Variants in NTRK1 observed in about 807,000 individuals in gnomAD.
The protein encoded by NTRK1 is neurotrophic receptor tyrosine kinase 1.
A neutral mutation model predicts 86.8 loss-of-function variants in NTRK1; 62 were observed. The ratio of observed to expected loss-of-function variants is 0.71; its 90% CI spans 0.58 to 0.88. The LOEUF (loss-of-function observed/expected upper bound fraction) is 0.88, where lower values mean the gene tolerates loss of function less well. Ranked by LOEUF, NTRK1 falls within the 40% of genes least tolerant of loss-of-function variation. The pLI is 0.00. For synonymous variants in NTRK1, 469 were observed against 456.6 expected, an observed-to-expected ratio of 1.03 and a Z score of -0.35; for missense variants, 967 against 1,078.4, an observed-to-expected ratio of 0.90 and a Z score of 1.45.
At chr1:156,819,810 T>G (rs1349451765) in intron 1 of NTRK1, among the ~76,000 whole-genome samples, 1 of 152,182 alleles carries the variant, frequency 6.6e-6, no homozygotes, top group Admixed American at 6.5e-5. Context: ...TGAGCCATCA[T>G]GCCTGGCCTA....
intron 1 of NTRK1, among the ~76,000 whole-genome samples, chr1:156,827,559 G>T (rs970507440): frequency 6.6e-6 from 1 of 152,068 alleles, no homozygotes; most frequent in African/African-American, 2.4e-5. Context: ...ACTGCACCTG[G>T]CCTATTTTTA....
At chr1:156,821,217 A>G (rs1654180100) in intron 1 of NTRK1, among the ~76,000 whole-genome samples, 1 of 142,858 alleles carries the variant, frequency 7.0e-6, no homozygotes, top group African/African-American at 3.1e-5. Context: ...TGAATGTATC[A>G]GATCTAGGAT....
intron 2 of NTRK1, among the ~76,000 whole-genome samples, chr1:156,855,131 G>T (rs1453131717): frequency 6.6e-6 from 1 of 151,680 alleles, no homozygotes; most frequent in Non-Finnish European, 1.5e-5. Context: ...CTTAAGTCTG[G>T]CCAAATGTCC....
At chr1:156,875,093 G>T (rs931607868) in intron 11 of NTRK1, 85 bp downstream of exon 11, 2 of 1,026,428 alleles carry the variant, frequency 1.9e-6, no homozygotes. Context: ...TGTCTCTGGG[G>T]GGCTGTGCAC....
chr1:156,817,329 T>C (rs1654029904), intron 1 of NTRK1, among the ~76,000 whole-genome samples: 1 of 152,122 alleles, frequency 6.6e-6, no homozygotes, highest in Admixed American at 6.5e-5. Flanking sequence ...ATGCTTGTAA[T>C]CCCAGTACTT....
At chr1:156,865,500 C>A (rs1041088170) in intron 3 of NTRK1, among the ~76,000 whole-genome samples, 42 of 152,354 alleles carry the variant, frequency 2.8e-4, no homozygotes, top group Middle Eastern at 6.8e-3. Flanking sequence ...TCACTCACCG[C>A]TGCTCACCTC....
upstream of NTRK1, chr1:156,858,617 G>A (rs199542749): frequency 1.2e-6 from 2 of 1,614,006 alleles, no homozygotes; most frequent in African/African-American, 1.3e-5. Context: ...ACTAGGCACT[G>A]CCATTGTCCC....
upstream of NTRK1, among the ~76,000 whole-genome samples, chr1:156,858,226 T>C (rs1655479091): frequency 6.6e-6 from 1 of 152,232 alleles, no homozygotes; most frequent in South Asian, 2.1e-4. Context: ...AGATGACTTC[T>C]AACACTCTCA....
At chr1:156,849,513 G>GGGGGGGGGT in intron 2 of NTRK1, 2 of 486,122 alleles carry the variant, frequency 4.1e-6, no homozygotes, top group Non-Finnish European at 8.3e-6. Context: ...CAGGGGGTGG[G>GGGGGGGGGT]AAAGGGGATG....
chr1:156,851,055 T>G, intron 2 of NTRK1: 1 of 574,594 alleles, frequency 1.7e-6, no homozygotes, highest in East Asian at 3.1e-5. Context: ...TTGTTTTATG[T>G]GCTTTACACA....
rs6427336 is a variant in NTRK1, at chr1:156,879,481, C to T, written c.2046+119C>T. On this transcript the variant is annotated intron_variant, in intron 15 of 16. Transcript: ENST00000524377. ...GCTGCATGGGTCTGAGATTCACTGG[C>T]TCTGGTTTTCAACCTACCTCCTCGG... 2.0e-5 allele frequency: 27 copies of T among 1,354,404 alleles called. No homozygotes were observed. In the African/African-American group the frequency reaches 3.6e-4, roughly 18 times the overall value. The allele number at this position is 1,354,404 out of a possible 1,614,324, so 83.9% of individuals were successfully genotyped here.
At chr1:156,843,476 G>C (rs1654876968) in intron 2 of NTRK1, 5 of 1,614,116 alleles carry the variant, frequency 3.1e-6, no homozygotes, top group Middle Eastern at 1.6e-4. Flanking sequence ...ACAGGGTTCT[G>C]TTTCTGCAAC....
intron 2 of NTRK1, among the ~76,000 whole-genome samples, chr1:156,855,353 G>A (rs939565425): frequency 2.0e-5 from 3 of 152,190 alleles, no homozygotes; most frequent in Non-Finnish European, 2.9e-5. Flanking sequence ...ACAGGTGCCC[G>A]CCGCCATACC....
chr1:156,846,754 T>A (rs200580223), intron 2 of NTRK1: 2 of 1,613,022 alleles, frequency 1.2e-6, no homozygotes. Flanking sequence ...CGTTCTGGAA[T>A]GGGCTGAACA....
intron 4 of NTRK1, among the ~76,000 whole-genome samples, chr1:156,867,598 G>A (rs1462006053): frequency 6.8e-6 from 1 of 146,056 alleles, no homozygotes; most frequent in African/African-American, 2.6e-5. Flanking sequence ...CTCCCAAAGT[G>A]CCGGGATAAC....
rs546984254 is a variant in NTRK1, at chr1:156,851,535, C to G, written c.50+9342C>G. The stretch of plus-strand genomic sequence containing the variant: ...GCCCCGGGAAGGTGGGCCCTCAGGA[C>G]TGGGACCCAGGATGATGGAAAATTG... On this transcript the variant is annotated intron_variant, in intron 2 of 16. Coordinates refer to the NTRK1 transcript ENST00000392302. The G allele has an allele frequency of 3.8e-4, 616 of 1,602,902 alleles. 1 individual carries two copies. The Middle Eastern group carries it at 5.1e-3, about 13-fold the overall frequency.
chr1:156,844,629 G>T, intron 2 of NTRK1: 1 of 1,614,122 alleles, frequency 6.2e-7, no homozygotes, highest in Non-Finnish European at 8.5e-7. Context: ...GGCCTCCTGA[G>T]AGTAACGCAG....
chr1:156,836,732 G>GCTGAATGAGGAGCATATTTCACAGGA (rs869285511), intron 1 of NTRK1, among the ~76,000 whole-genome samples: 1 of 140,694 alleles, frequency 7.1e-6, no homozygotes, highest in South Asian at 2.2e-4. Flanking sequence ...CCTTCACAGG[G>GCTGAATGAGGAGCATATTTCACAGGA]CTGAATGAGG....
intron 2 of NTRK1, among the ~76,000 whole-genome samples, chr1:156,855,342 T>TAC (rs1442263792): frequency 6.6e-6 from 1 of 152,160 alleles, no homozygotes; most frequent in Non-Finnish European, 1.5e-5. Flanking sequence ...TAGCTGGGAT[T>TAC]ACAGGTGCCC....
Sources: allele counts gnomAD v4.1 joint callset (sites outside exome capture counted in the v4.1 genomes callset), GRCh38; gene constraint gnomAD v4.1.1; transcripts MANE v1.5; gene names NCBI Gene and HGNC (gene_info 2026-07-23, HGNC 2026-07-21).